The following SGCZ variants were observed in gnomAD, a reference collection of about 807,000 sequenced individuals.
SGCZ encodes sarcoglycan zeta.
A neutral mutation model predicts 41.3 loss-of-function variants in SGCZ; 40 were observed. The observed-to-expected ratio is 0.97, with a 90% CI of 0.75 to 1.26. SGCZ has a LOEUF of 1.26. SGCZ is among the 50% of genes most tolerant of loss of function. SGCZ has a pLI of 0.00. For synonymous variants in SGCZ, 206 were observed against 137.5 expected (o/e 1.50, Z -3.49); for missense variants, 552 against 369.8 (o/e 1.49, Z -4.04).
At chr8:14,224,156 T>A (rs568626703) in intron 4 of SGCZ, among the ~76,000 whole-genome samples, 3 of 152,328 alleles carry the variant, frequency 2.0e-5, no homozygotes, top group Non-Finnish European at 4.4e-5. Flanking sequence ...TTGACTTTTA[T>A]TTTAAAATGA....
intron 1 of SGCZ, among the ~76,000 whole-genome samples, chr8:14,585,578 T>C (rs1805030096): frequency 6.6e-6 from 1 of 152,176 alleles, no homozygotes; most frequent in African/African-American, 2.4e-5. Context: ...TAATGTATTT[T>C]AGTGTCTTTT....
At chr8:14,453,252 CCT>C in intron 2 of SGCZ, among the ~76,000 whole-genome samples, 1 of 152,058 alleles carries the variant, frequency 6.6e-6, no homozygotes, top group Non-Finnish European at 1.5e-5. Context: ...TTGTGAGCAG[CCT>C]ATGTCTGAAG....
chr8:14,846,539 T>A (rs1803108951), intron 1 of SGCZ, among the ~76,000 whole-genome samples: 1 of 151,880 alleles, frequency 6.6e-6, no homozygotes, highest in African/African-American at 2.4e-5. Context: ...TTAAAACATA[T>A]GAACAACTTT....
intron 1 of SGCZ, among the ~76,000 whole-genome samples, chr8:14,784,938 T>C (rs1230151962): frequency 9.0e-6 from 1 of 110,966 alleles, no homozygotes; most frequent in African/African-American, 3.4e-5. Context: ...ATATATAAAA[T>C]ATATATATTT....
At chr8:14,636,126 G>A in intron 1 of SGCZ, among the ~76,000 whole-genome samples, 1 of 151,828 alleles carries the variant, frequency 6.6e-6, no homozygotes, top group East Asian at 1.9e-4. Context: ...AATGTCTGAG[G>A]ACCTGCAGTA....
intron 1 of SGCZ, among the ~76,000 whole-genome samples, chr8:15,193,071 G>A (rs1478259391): frequency 6.6e-6 from 1 of 151,992 alleles, no homozygotes; most frequent in Non-Finnish European, 1.5e-5. Flanking sequence ...GGAAATGAGG[G>A]TATAGTTGTC....
At chr8:14,171,737 C>T (rs1804389736) in intron 4 of SGCZ, among the ~76,000 whole-genome samples, 1 of 151,540 alleles carries the variant, frequency 6.6e-6, no homozygotes, top group Non-Finnish European at 1.5e-5. Flanking sequence ...TTTATCCTAC[C>T]ACTTATGCCT....
At chr8:14,106,896 A>G (rs1015894803) in intron 6 of SGCZ, among the ~76,000 whole-genome samples, 1 of 152,178 alleles carries the variant, frequency 6.6e-6, no homozygotes, top group African/African-American at 2.4e-5. Context: ...TTATTAAACC[A>G]TAAGTAATCA....
chr8:14,870,348 G>C (rs1359520588), intron 1 of SGCZ, among the ~76,000 whole-genome samples: 1 of 151,980 alleles, frequency 6.6e-6, no homozygotes, highest in Non-Finnish European at 1.5e-5. Flanking sequence ...TGAATTCCCA[G>C]TTTAATAAAT....
chr8:15,229,036 A>ACAAAAATT (rs1315107545), intron 1 of SGCZ, among the ~76,000 whole-genome samples: 1 of 152,162 alleles, frequency 6.6e-6, no homozygotes, highest in Non-Finnish European at 1.5e-5. Flanking sequence ...CTACAAAAAT[A>ACAAAAATT]CAAAAATCAG....
At chr8:14,537,215 A>T (rs532446065) in intron 2 of SGCZ, among the ~76,000 whole-genome samples, 1 of 151,928 alleles carries the variant, frequency 6.6e-6, no homozygotes, top group Non-Finnish European at 1.5e-5. Flanking sequence ...GACTCTCATT[A>T]TAACTAATTT....
chr8:15,110,569 C>T (rs756794575), intron 1 of SGCZ, among the ~76,000 whole-genome samples: 13 of 152,228 alleles, frequency 8.5e-5, no homozygotes, highest in Non-Finnish European at 1.3e-4. Context: ...CAAAGCAAAG[C>T]AGGTGTGCAT....
At chr8:14,657,405 T>G (rs1807611109) in intron 1 of SGCZ, among the ~76,000 whole-genome samples, 1 of 152,122 alleles carries the variant, frequency 6.6e-6, no homozygotes, top group South Asian at 2.1e-4. Flanking sequence ...TGACAGCTAA[T>G]ATTAAAATGG....
intron 1 of SGCZ, among the ~76,000 whole-genome samples, chr8:15,115,469 T>G (rs1284191314): frequency 6.6e-6 from 1 of 152,122 alleles, no homozygotes; most frequent in African/African-American, 2.4e-5. Context: ...GTCCAGAAAC[T>G]CAAGACAAAC....
intron 5 of SGCZ, among the ~76,000 whole-genome samples, chr8:14,110,215 A>G (rs965092047): frequency 1.3e-5 from 2 of 152,086 alleles, no homozygotes; most frequent in African/African-American, 2.4e-5. Context: ...GTATATCTCA[A>G]AGAGAGACTC....
intron 2 of SGCZ, among the ~76,000 whole-genome samples, chr8:14,442,893 T>C (rs1001999169): frequency 1.3e-5 from 2 of 152,162 alleles, no homozygotes; most frequent in Admixed American, 6.6e-5. Context: ...GATGACATGA[T>C]TGTATATCTA....
intron 1 of SGCZ, among the ~76,000 whole-genome samples, chr8:14,676,693 G>A (rs1180405079): frequency 2.0e-5 from 3 of 152,036 alleles, no homozygotes; most frequent in Admixed American, 6.6e-5. Context: ...CCTTAAGAAG[G>A]ATAAAAATCA....
At chr8:14,895,150 G>C (rs558288051) in intron 1 of SGCZ, among the ~76,000 whole-genome samples, 2 of 152,070 alleles carry the variant, frequency 1.3e-5, no homozygotes, top group African/African-American at 4.8e-5. Context: ...ACAATTAATC[G>C]TTTAGTAAGT....
At position 15,136,126 on chromosome 8, in the gene SGCZ, G is replaced by A. The variant is rs140774646; in HGVS notation, c.39+101459C>T. The stretch of plus-strand genomic sequence containing the variant: ...CTTCTGTCCCATCCCTGTTTTAGCT[G>A]GTCCTCAATTTGGTCCAGGGTCCAA... On this transcript the variant is annotated intron_variant, in intron 1 of 7. Coordinates refer to ENST00000382080, the MANE Select transcript of SGCZ (RefSeq NM_139167.4). Among the ~76,000 whole-genome samples, 233 of 152,116 alleles carry A rather than the reference G, an allele frequency of 1.5e-3. 3 individuals are homozygous for A. The East Asian group carries it at 0.04, about 26-fold the overall frequency.
Sources: gnomAD v4.1 joint callset for allele counts (sites outside exome capture counted in the v4.1 genomes callset) on GRCh38, gnomAD v4.1.1 for gene constraint, MANE v1.5 for transcripts, NCBI Gene and HGNC (gene_info 2026-07-23, HGNC 2026-07-21) for gene names.